Variants in GPC6 observed in about 807,000 individuals in gnomAD.
GPC6 encodes the protein glypican 6.
Under a neutral mutation model 55.2 loss-of-function variants are expected in GPC6, and 14 were observed. The observed-to-expected ratio is 0.25, with a 90% confidence interval of 0.17 to 0.40. The LOEUF is 0.40. Among genes scored for constraint, GPC6 ranks in the 10% least tolerant of loss-of-function variants. The pLI is 1.00. For missense variants in GPC6, 641 were observed against 708.5 expected, an observed-to-expected ratio of 0.90 and a Z score of 1.08; for synonymous variants, 278 against 259.6, an observed-to-expected ratio of 1.07 and a Z score of -0.68.
intron 1 of GPC6, among the ~76,000 whole-genome samples, chr13:93,377,539 C>A (rs1047473544): frequency 5.9e-5 from 9 of 152,116 alleles, no homozygotes; most frequent in African/African-American, 1.9e-4. Flanking sequence ...GTTTGAAAAA[C>A]GTTGATAAAA....
chr13:94,274,025 T>C lies in GPC6; in HGVS notation c.878-12324T>C, dbSNP rs74105762. On this transcript the variant is annotated intron_variant, in intron 4 of 8. Coordinates refer to ENST00000377047, the MANE Select transcript of GPC6 (RefSeq NM_005708.5). ...TTTACAAGGCCTACTCTTCCTGGCT[T>C]ATGATGTAACTAAACATCTCAAAGA... Among the ~76,000 whole-genome samples the C allele has an allele frequency of 3.6e-3, 549 of 152,308 alleles. 3 individuals are homozygous for C. The highest frequency in any genetic ancestry group is 0.013 in the African/African-American group (528 of 41,574).
At chr13:93,858,408 A>G (rs1391617483) in intron 3 of GPC6, among the ~76,000 whole-genome samples, 1 of 151,604 alleles carries the variant, frequency 6.6e-6, no homozygotes, top group African/African-American at 2.4e-5. Flanking sequence ...TGGCATCAAC[A>G]CTTTATTAAT....
chr13:93,233,430 T>C (rs1438978484), intron 1 of GPC6, among the ~76,000 whole-genome samples: 1 of 152,220 alleles, frequency 6.6e-6, no homozygotes, highest in East Asian at 1.9e-4. Flanking sequence ...CTCTTTCTTC[T>C]AGGCATTTTT....
intron 4 of GPC6, among the ~76,000 whole-genome samples, chr13:94,262,474 AC>A (rs1488347169): frequency 6.6e-6 from 1 of 152,078 alleles, no homozygotes; most frequent in East Asian, 1.9e-4. Flanking sequence ...GGAGTTCGAG[AC>A]CAGCCTGGCC....
rs201104969 is a variant in GPC6 at position 94,031,075 on chromosome 13, CGTGTGCGT to C, written c.877+3187_877+3194del. On this transcript the variant is annotated intron_variant, in intron 4 of 8. Coordinates refer to ENST00000377047, the MANE Select transcript of GPC6 (RefSeq NM_005708.5). Reference sequence around the variant, plus strand: ...GTTTGTGCGTGTGCATGTGCGTGTGCGTGTGCGTGTGTGTGTGCGTGTGTGTGTGCGTG... The same window carrying C: ...GTTTGTGCGTGTGCATGTGCGTGTGCGTGTGTGTGCGTGTGTGTGTGCGTG... Among the ~76,000 whole-genome samples, 942 of 147,978 alleles carry C rather than the reference CGTGTGCGT, an allele frequency of 6.4e-3. 5 individuals are homozygous for C. The highest frequency in any genetic ancestry group is 0.022 in the African/African-American group (891 of 40,190).
chr13:94,283,090 T>A (rs1566631384), intron 4 of GPC6, among the ~76,000 whole-genome samples: 1 of 152,250 alleles, frequency 6.6e-6, no homozygotes, highest in Admixed American at 6.5e-5. Flanking sequence ...CTTAAAGTCA[T>A]CCATGTGTCT....
chr13:93,876,857 A>T (rs1874621198), intron 3 of GPC6, among the ~76,000 whole-genome samples: 1 of 152,078 alleles, frequency 6.6e-6, no homozygotes, highest in Non-Finnish European at 1.5e-5. Context: ...TCACAAGTTG[A>T]TCCTGGGTAT....
intron 1 of GPC6, among the ~76,000 whole-genome samples, chr13:93,506,220 C>A (rs771298348): frequency 2.0e-5 from 3 of 152,180 alleles, no homozygotes; most frequent in African/African-American, 7.2e-5. Flanking sequence ...CTCCATTAAA[C>A]CCACAGAATG....
chr13:94,347,149 G>T (rs142693547), intron 6 of GPC6, among the ~76,000 whole-genome samples: 1 of 152,116 alleles, frequency 6.6e-6, no homozygotes, highest in Non-Finnish European at 1.5e-5. Flanking sequence ...TGCACGATTC[G>T]AGAGTTCCTG....
chr13:93,482,145 A>T (rs183913906), intron 1 of GPC6, among the ~76,000 whole-genome samples: 4 of 152,190 alleles, frequency 2.6e-5, no homozygotes, highest in African/African-American at 9.6e-5. Flanking sequence ...ATTTATTCCT[A>T]GGTACTTTAT....
chr13:93,923,492 A>AC (rs954241238), intron 3 of GPC6, among the ~76,000 whole-genome samples: 6 of 151,512 alleles, frequency 4.0e-5, no homozygotes, highest in African/African-American at 1.5e-4. Flanking sequence ...TAAAGCAAAA[A>AC]AAAAAAATTT....
intron 1 of GPC6, among the ~76,000 whole-genome samples, chr13:93,431,939 A>G (rs1566353698): frequency 1.3e-5 from 2 of 152,124 alleles, no homozygotes; most frequent in Admixed American, 1.3e-4. Flanking sequence ...AGTTTAATGA[A>G]TTACTGTTTG....
chr13:94,384,308 G>A (rs1880305616), intron 7 of GPC6, among the ~76,000 whole-genome samples: 1 of 152,186 alleles, frequency 6.6e-6, no homozygotes, highest in Non-Finnish European at 1.5e-5. Flanking sequence ...AGAAAATTCA[G>A]CTATGAATTA....
intron 3 of GPC6, among the ~76,000 whole-genome samples, chr13:93,933,476 T>C (rs1878284391): frequency 6.6e-6 from 1 of 152,146 alleles, no homozygotes; most frequent in African/African-American, 2.4e-5. Context: ...TAAAGTGGCC[T>C]CGGACAGGTC....
intron 4 of GPC6, among the ~76,000 whole-genome samples, chr13:94,086,950 T>C (rs934468328): frequency 3.9e-5 from 6 of 152,208 alleles, no homozygotes; most frequent in African/African-American, 1.2e-4. Context: ...TGCCTTGCCT[T>C]AAAAACTGGC....
rs192695020 is a variant in GPC6 at position 93,448,837 on chromosome 13, G to T, written c.161-96426G>T. On this transcript the variant is annotated intron_variant, in intron 1 of 8. Coordinates refer to ENST00000377047, the MANE Select transcript of GPC6 (RefSeq NM_005708.5). ...TTATCAAGCCTCAGAAGACATTCCT[G>T]CTTTCAAACTTCCAGATACTTAAAA... Among the ~76,000 whole-genome samples, 239 of 152,218 alleles carry T rather than the reference G, an allele frequency of 1.6e-3. 2 individuals are homozygous for T. Among genetic ancestry groups the T allele is most frequent in the Non-Finnish European group, 2.2e-4 (15 of 68,006 alleles).
Position 94,205,990 on chromosome 13 carries a change from A to G in GPC6, c.878-80359A>G, listed in dbSNP as rs115790291. The stretch of plus-strand genomic sequence containing the variant: ...GCTGGCATCTAGTTGGTAGGGGCCA[A>G]ACATGCTACAAAACCTCCAAAGCAA... On this transcript the variant is annotated intron_variant, in intron 4 of 8. Coordinates refer to ENST00000377047, the MANE Select transcript of GPC6 (RefSeq NM_005708.5). 2.9e-3 allele frequency among the ~76,000 whole-genome samples: 436 copies of G among 152,242 alleles called. 5 individuals are homozygous for G. The highest frequency in any genetic ancestry group is 0.01 in the African/African-American group (423 of 41,528).
At chr13:94,036,621 A>G (rs1883343309) in intron 4 of GPC6, among the ~76,000 whole-genome samples, 6 of 152,152 alleles carry the variant, frequency 3.9e-5, no homozygotes, top group Admixed American at 1.3e-4. Context: ...TACTGGGTGA[A>G]ATGAGTAAAT....
intron 3 of GPC6, among the ~76,000 whole-genome samples, chr13:93,965,655 G>A (rs1016619579): frequency 2.0e-5 from 3 of 152,104 alleles, no homozygotes; most frequent in African/African-American, 7.2e-5. Flanking sequence ...GGAGAGGCCA[G>A]TGGAGAAGAA....
Sources: allele counts gnomAD v4.1 joint callset (sites outside exome capture counted in the v4.1 genomes callset), GRCh38; gene constraint gnomAD v4.1.1; transcripts MANE v1.5; gene names NCBI Gene and HGNC (gene_info 2026-07-23, HGNC 2026-07-21).